The following CTNND2 variants were observed in gnomAD, a reference collection of about 807,000 sequenced individuals.
The protein encoded by CTNND2 is catenin delta-2.
Under a neutral mutation model 144.4 loss-of-function variants are expected in CTNND2, and 22 were observed. That is an observed-to-expected ratio of 0.15 (90% CI 0.11 to 0.22). The LOEUF (loss-of-function observed/expected upper bound fraction) is 0.22, where lower values mean the gene tolerates loss of function less well. CTNND2 is among the 10% of genes least tolerant of loss of function. The pLI, the probability that CTNND2 is intolerant of heterozygous loss-of-function variation, is 1.00. For synonymous variants in CTNND2, 751 were observed against 695.6 expected (o/e 1.08, Z -1.25); for missense variants, 1,353 against 1,618.8 (o/e 0.84, Z 2.82).
chr5:11,022,425 A>G (rs1390566548), intron 17 of CTNND2, among the ~76,000 whole-genome samples: 1 of 152,048 alleles, frequency 6.6e-6, no homozygotes, highest in African/African-American at 2.4e-5. Context: ...GGTGGACCTG[A>G]CTTGGTTGCA....
At chr5:11,730,757 A>C (rs61763029) in intron 2 of CTNND2, among the ~76,000 whole-genome samples, 1 of 152,294 alleles carries the variant, frequency 6.6e-6, no homozygotes, top group African/African-American at 2.4e-5. Context: ...CTTTTTATTC[A>C]TTCTGAATTA....
rs530973654 is a variant in CTNND2, at chr5:10,973,547, C to T, written c.3584G>A (p.Gly1195Asp). 2 of 1,614,076 alleles carry T rather than the reference C, an allele frequency of 1.2e-6. No homozygotes were observed. The highest frequency in any genetic ancestry group is 1.1e-5 in the South Asian group (1 of 91,066). Reference protein sequence around the residue: ...YTMHLGLKSTGNYVDFYSAAR... With the variant: ...YTMHLGLKSTDNYVDFYSAAR... ...AGCTGAGTAGAAGTCAACGTAGTTG[C>T]CGGTGGACTTGAGACCCAGGTGCAT... Residue 1195 changes from glycine to aspartate, a missense_variant, in exon 22 of 22, where the codon GGC becomes GAC. Gly to Asp is a moderately conservative substitution (Grantham distance 94). Around this residue, in one of 4 missense-constraint regions of CTNND2, gnomAD observed 459 missense variants for 674.3 expected, o/e 0.68. Coordinates refer to ENST00000304623, the MANE Select transcript of CTNND2 (RefSeq NM_001332.4). This position sits in a 1 kb window ranked among gnomAD's most constrained non-coding sequence, Gnocchi z 5.6.
chr5:11,458,222 C>A (rs181885870), intron 3 of CTNND2, among the ~76,000 whole-genome samples: 1 of 152,244 alleles, frequency 6.6e-6, no homozygotes, highest in Non-Finnish European at 1.5e-5. Flanking sequence ...TACTTAAAAG[C>A]TAAAATATAT....
At chr5:11,130,408 G>A (rs944295852) in intron 12 of CTNND2, among the ~76,000 whole-genome samples, 8 of 152,132 alleles carry the variant, frequency 5.3e-5, no homozygotes, top group African/African-American at 1.7e-4. Flanking sequence ...TTCCAGAGAA[G>A]CCCAGAGCGG....
At chr5:11,665,413 A>T (rs1248416657) in intron 2 of CTNND2, among the ~76,000 whole-genome samples, 4 of 152,220 alleles carry the variant, frequency 2.6e-5, no homozygotes. Context: ...ATATAGCAAG[A>T]TAGTTCCTGA....
At chr5:11,873,573 A>G (rs1331725034) in intron 1 of CTNND2, among the ~76,000 whole-genome samples, 1 of 152,240 alleles carries the variant, frequency 6.6e-6, no homozygotes, top group Non-Finnish European at 1.5e-5. Flanking sequence ...CAATAAAAAC[A>G]TGTTGTGTAT....
chr5:11,100,786 G>C (rs956778383), intron 14 of CTNND2, among the ~76,000 whole-genome samples: 3 of 152,170 alleles, frequency 2.0e-5, no homozygotes, highest in Non-Finnish European at 2.9e-5. Context: ...TTCCTTTTAT[G>C]TAAGAGCTAA....
At chr5:11,284,338 T>C (rs773191203) in intron 9 of CTNND2, among the ~76,000 whole-genome samples, 9 of 152,188 alleles carry the variant, frequency 5.9e-5, no homozygotes, top group Non-Finnish European at 1.3e-4. Flanking sequence ...TGTGCCATGG[T>C]GGTTTGCTTC....
intron 3 of CTNND2, among the ~76,000 whole-genome samples, chr5:11,485,576 A>T (rs867498368): frequency 6.6e-6 from 1 of 152,240 alleles, no homozygotes; most frequent in Non-Finnish European, 1.5e-5. Flanking sequence ...AAATATATCA[A>T]TGGAACACAA....
At chr5:11,641,304 T>C (rs896209995) in intron 2 of CTNND2, among the ~76,000 whole-genome samples, 1 of 152,062 alleles carries the variant, frequency 6.6e-6, no homozygotes, top group Non-Finnish European at 1.5e-5. Context: ...GAGCGTTCCA[T>C]GAACACAGTA....
chr5:11,499,982 T>C (rs777402797), intron 3 of CTNND2, among the ~76,000 whole-genome samples: 35 of 152,134 alleles, frequency 2.3e-4, no homozygotes, highest in Non-Finnish European at 4.6e-4. Context: ...AGATAAGTGA[T>C]CTTTATTTTT....
rs377564193 is a variant in CTNND2 at position 11,128,751 on chromosome 5, TATATATAA to T, written c.2160-11192_2160-11185del. Among the ~76,000 whole-genome samples the T allele has an allele frequency of 2.2e-3, 91 of 41,324 alleles. 1 individual carries two copies. The highest frequency in any genetic ancestry group is 5.8e-3 in the East Asian group (4 of 692). The allele number at this position is 41,324 out of a possible 152,430, so 27.1% of individuals were successfully genotyped here. A position where few individuals can be genotyped will look rare whatever the true frequency, so the allele number is the denominator to read the frequency against. ...ATATAATATATATATTTATATATATTATATATAAATATATATATTATATATAAAATATA... is the reference window on the plus strand; with the variant it reads ...ATATAATATATATATTTATATATATTATATATATATTATATATAAAATATA... On this transcript the variant is annotated intron_variant, in intron 12 of 21. Coordinates refer to ENST00000304623, the MANE Select transcript of CTNND2 (RefSeq NM_001332.4).
chr5:11,199,734 A>G, intron 10 of CTNND2, 73 bp from the exon 11 acceptor site: 2 of 1,113,802 alleles, frequency 1.8e-6, no homozygotes, highest in Non-Finnish European at 2.7e-6. Flanking sequence ...CATGTTTTTC[A>G]TATAAAGTAT....
intron 2 of CTNND2, among the ~76,000 whole-genome samples, chr5:11,602,312 T>C (rs904599480): frequency 1.8e-4 from 28 of 152,094 alleles, no homozygotes; most frequent in African/African-American, 6.8e-4. Flanking sequence ...AAGAACTCAA[T>C]GATTTTTGTC....
intron 10 of CTNND2, among the ~76,000 whole-genome samples, chr5:11,211,098 A>G (rs1738583455): frequency 1.3e-5 from 2 of 152,348 alleles, no homozygotes; most frequent in Middle Eastern, 3.4e-3. Context: ...CTGGGTGATA[A>G]GAACCAAAAA....
At chr5:11,102,759 A>G (rs962403363) in intron 14 of CTNND2, among the ~76,000 whole-genome samples, 1 of 152,156 alleles carries the variant, frequency 6.6e-6, no homozygotes, top group Non-Finnish European at 1.5e-5. Flanking sequence ...GACTGCTGAA[A>G]TTTAGACATG....
At chr5:11,503,207 G>T (rs1422396264) in intron 3 of CTNND2, among the ~76,000 whole-genome samples, 1 of 152,196 alleles carries the variant, frequency 6.6e-6, no homozygotes, top group Non-Finnish European at 1.5e-5. Flanking sequence ...CACTCGCCAT[G>T]CAGGGGAGAC....
intron 2 of CTNND2, among the ~76,000 whole-genome samples, chr5:11,686,617 C>A (rs1017306604): frequency 6.6e-6 from 1 of 151,888 alleles, no homozygotes; most frequent in Admixed American, 6.6e-5. Context: ...AAGTATAGGT[C>A]TTGCTGATGA....
intron 5 of CTNND2, 125 bp downstream of exon 5, chr5:11,411,409 TAA>T: frequency 1.6e-6 from 1 of 644,536 alleles, no homozygotes; most frequent in Non-Finnish European, 2.8e-6. Context: ...GTGAAATGGA[TAA>T]AACAAGTATA....
Sources: allele counts gnomAD v4.1 joint callset (sites outside exome capture counted in the v4.1 genomes callset), GRCh38; gene constraint gnomAD v4.1.1; regional missense constraint gnomAD v4.1.1; non-coding constraint Gnocchi (gnomAD v3.1); transcripts MANE v1.5; gene names NCBI Gene and HGNC (gene_info 2026-07-23, HGNC 2026-07-21).